Variants in IQSEC1 observed in about 807,000 individuals in gnomAD.
The protein encoded by IQSEC1 is IQ motif and Sec7 domain ArfGEF 1.
A neutral mutation model predicts 91.0 loss-of-function variants in IQSEC1; 31 were observed. That is an observed-to-expected ratio of 0.34 (90% CI 0.26 to 0.46). The LOEUF (loss-of-function observed/expected upper bound fraction) is 0.46, where lower values mean the gene tolerates loss of function less well. Among genes scored for constraint, IQSEC1 ranks in the 20% least tolerant of loss-of-function variants. The probability of loss-of-function intolerance (pLI) is 1.00; values close to 1 mark genes in which losing one functional copy is unlikely to be tolerated. For missense variants in IQSEC1, 1,388 were observed against 1,575.6 expected (o/e 0.88, Z 2.02); for synonymous variants, 699 against 662.6 (o/e 1.05, Z -0.84).
chr3:13,205,877 G>A (rs556633693), intron 1 of IQSEC1, among the ~76,000 whole-genome samples: 30 of 119,894 alleles, frequency 2.5e-4, no homozygotes, highest in Non-Finnish European at 2.3e-4. Flanking sequence ...TCCACTCATC[G>A]ATCCCCCCAT....
chr3:13,070,502 A>T lies in IQSEC1; in HGVS notation c.23+2490T>A, dbSNP rs571181010. 2.8e-4 allele frequency among the ~76,000 whole-genome samples: 42 copies of T among 152,342 alleles called. No individual in the cohort carries two copies. In the Middle Eastern group the frequency reaches 0.01, roughly 37 times the overall value. On this transcript the variant is annotated intron_variant, in intron 1 of 13. Coordinates refer to ENST00000613206, the MANE Select transcript of IQSEC1 (RefSeq NM_001134382.3). The stretch of plus-strand genomic sequence containing the variant: ...GGCAGGGTAACAATAAGGTCTGAGC[A>T]GCAGGTGCTGGGAGAGCCTGGGCCT...
chr3:13,145,250 T>C (rs73016672), intron 2 of IQSEC1, among the ~76,000 whole-genome samples: 2,382 of 152,274 alleles, frequency 0.016, 70 homozygotes, highest in South Asian at 0.13. Flanking sequence ...AGTGTGGTGA[T>C]AATGATGACA....
intron 1 of IQSEC1, among the ~76,000 whole-genome samples, chr3:13,268,587 G>A (rs1011744291): frequency 1.3e-5 from 2 of 152,154 alleles, no homozygotes; most frequent in Non-Finnish European, 2.9e-5. Context: ...AGACTGCACT[G>A]ATGTCACGAA....
chr3:13,264,526 C>T (rs901165996), intron 1 of IQSEC1, among the ~76,000 whole-genome samples: 1 of 152,242 alleles, frequency 6.6e-6, no homozygotes, highest in East Asian at 1.9e-4. Context: ...TGACAGGTGC[C>T]CGGCACCCCC....
At chr3:13,236,390 T>A (rs1196962401) in intron 1 of IQSEC1, among the ~76,000 whole-genome samples, 4 of 152,218 alleles carry the variant, frequency 2.6e-5, no homozygotes, top group African/African-American at 9.6e-5. Flanking sequence ...GTTTTCGACA[T>A]GAAACTGGCC....
At chr3:13,052,572 T>C (rs557465809) in intron 1 of IQSEC1, among the ~76,000 whole-genome samples, 3 of 152,180 alleles carry the variant, frequency 2.0e-5, no homozygotes, top group Non-Finnish European at 2.9e-5. Flanking sequence ...AGAGCCCAGA[T>C]GGTAGGTCGT....
intron 1 of IQSEC1, among the ~76,000 whole-genome samples, chr3:12,945,511 T>C (rs1014694890): frequency 2.1e-5 from 3 of 144,648 alleles, no homozygotes; most frequent in Non-Finnish European, 3.0e-5. Context: ...TTGTGCAATG[T>C]GGCAGCCCTT....
At chr3:13,022,138 A>ACCACCACTGCC in intron 1 of IQSEC1, 1 of 1,231,748 alleles carries the variant, frequency 8.1e-7, no homozygotes. Flanking sequence ...CAAGGGGCCC[A>ACCACCACTGCC]CCACCACTGC....
chr3:13,146,701 G>A lies in IQSEC1; in HGVS notation c.302+17403C>T, dbSNP rs752981853. On this transcript the variant is annotated intron_variant, in intron 2 of 15. Transcript: ENST00000648114. Reference sequence around the variant, plus strand: ...CTAAAAATACAAAAATTAGCCAGGCGTGATGGGGGACGCCTGTAATCTCAG... The same window carrying A: ...CTAAAAATACAAAAATTAGCCAGGCATGATGGGGGACGCCTGTAATCTCAG... Among the ~76,000 whole-genome samples, 18 of 152,298 alleles carry A rather than the reference G, an allele frequency of 1.2e-4. 2 individuals carry two copies. The highest frequency in any genetic ancestry group is 7.2e-4 in the Admixed American group (11 of 15,304).
intron 2 of IQSEC1, among the ~76,000 whole-genome samples, chr3:13,087,250 A>T (rs1168934843): frequency 1.3e-5 from 2 of 152,254 alleles, no homozygotes; most frequent in African/African-American, 4.8e-5. Flanking sequence ...GGCTGGATGG[A>T]ATATTTGCAT....
At chr3:12,901,609 C>T (rs1694316167) in intron 13 of IQSEC1, 87 bp from the exon 14 acceptor site, 1 of 1,107,732 alleles carries the variant, frequency 9.0e-7, no homozygotes, top group South Asian at 1.5e-5. Context: ...TGTAAAAATT[C>T]ACCCACTGAC....
At chr3:13,142,084 G>T (rs1395435319) in intron 2 of IQSEC1, among the ~76,000 whole-genome samples, 1 of 152,252 alleles carries the variant, frequency 6.6e-6, no homozygotes, top group East Asian at 1.9e-4. Flanking sequence ...ACGCACAGTT[G>T]TGTGATCCTG....
chr3:12,990,295 C>T (rs555974195), intron 1 of IQSEC1, among the ~76,000 whole-genome samples: 2 of 152,166 alleles, frequency 1.3e-5, no homozygotes, highest in African/African-American at 2.4e-5. Context: ...CTCCACACAC[C>T]GATGAGGGAA....
chr3:13,107,579 C>T (rs1706171870), intron 2 of IQSEC1, among the ~76,000 whole-genome samples: 1 of 152,236 alleles, frequency 6.6e-6, no homozygotes, highest in Non-Finnish European at 1.5e-5. Context: ...TTTCATCATA[C>T]ACATTCCAAG....
At chr3:13,079,928 A>G (rs1269921753) in intron 2 of IQSEC1, among the ~76,000 whole-genome samples, 1 of 152,260 alleles carries the variant, frequency 6.6e-6, no homozygotes, top group African/African-American at 2.4e-5. Flanking sequence ...AAAGAGATAT[A>G]GCAAGGAAAA....
intron 2 of IQSEC1, among the ~76,000 whole-genome samples, chr3:13,097,183 C>T (rs1408523463): frequency 6.6e-6 from 1 of 152,174 alleles, no homozygotes; most frequent in Non-Finnish European, 1.5e-5. Flanking sequence ...ACATGGCATC[C>T]CTTCGCCTCT....
At position 13,183,718 on chromosome 3, in the gene IQSEC1, C is replaced by T. The variant is rs1050451278; in HGVS notation, c.273-19585G>A. On this transcript the variant is annotated intron_variant, in intron 1 of 15. Coordinates refer to the IQSEC1 transcript ENST00000648114. Reference sequence around the variant, plus strand: ...AAATATTTTAATATTTAATGCAATTCTTGTGTTTTGTTTGTTTGTTTGGTT... The same window carrying T: ...AAATATTTTAATATTTAATGCAATTTTTGTGTTTTGTTTGTTTGTTTGGTT... 3.9e-5 allele frequency among the ~76,000 whole-genome samples: 6 copies of T among 152,228 alleles called. No homozygotes were observed. In the South Asian group the frequency reaches 8.3e-4, roughly 21 times the overall value.
At chr3:13,114,256 G>A (rs143375675) in intron 2 of IQSEC1, among the ~76,000 whole-genome samples, 86 of 152,252 alleles carry the variant, frequency 5.6e-4, no homozygotes, top group African/African-American at 2.0e-3. Context: ...TGTTTTTCTC[G>A]GGTGTGGCTC....
At chr3:12,917,309 T>C (rs1696190908) in intron 6 of IQSEC1, among the ~76,000 whole-genome samples, 1 of 152,150 alleles carries the variant, frequency 6.6e-6, no homozygotes, top group Non-Finnish European at 1.5e-5. Context: ...TTCTGTGGGT[T>C]TGGGCAAACG....
Sources: allele counts gnomAD v4.1 joint callset (sites outside exome capture counted in the v4.1 genomes callset), GRCh38; gene constraint gnomAD v4.1.1; transcripts MANE v1.5; gene names NCBI Gene and HGNC (gene_info 2026-07-23, HGNC 2026-07-21).